ARHGAP30: variants seen among roughly 807,000 people sequenced by gnomAD.
ARHGAP30 encodes rho GTPase-activating protein 30.
ARHGAP30 carries 23 observed loss-of-function variants against 72.0 expected under a neutral mutation model. The observed-to-expected ratio is 0.32, with a 90% CI of 0.23 to 0.45. The LOEUF (loss-of-function observed/expected upper bound fraction) is 0.45. Ranked by LOEUF, ARHGAP30 falls within the 20% of genes least tolerant of loss-of-function variation. ARHGAP30 has a pLI of 1.00. For missense variants in ARHGAP30, 1,319 were observed against 1,383.4 expected (o/e 0.95, Z 0.74); for synonymous variants, 576 against 528.2 (o/e 1.09, Z -1.24).
chr1:161,052,563 A>G lies in ARHGAP30; in HGVS notation c.837-20T>C. ...TTCCTCCTACAAAGAATGGAGGGGCATAATTGGAGGTTGGAACATGAAGGT... is the reference window on the plus strand; with the variant it reads ...TTCCTCCTACAAAGAATGGAGGGGCGTAATTGGAGGTTGGAACATGAAGGT... On this transcript the variant is annotated intron_variant, in intron 7 of 11. Transcript: ENST00000368013. 1.2e-6 allele frequency: 2 copies of G among 1,613,964 alleles called. No individual in the cohort carries two copies. The highest frequency in any genetic ancestry group is 1.6e-4 in the Middle Eastern group (1 of 6,062).
rs371385714 is a variant in ARHGAP30, at chr1:161,069,588, C to T, written c.37G>A (p.Ala13Thr). 5.8e-5 allele frequency: 93 copies of T among 1,611,446 alleles called. No homozygotes were observed. Among genetic ancestry groups the T allele is most frequent in the South Asian group, 1.9e-4 (17 of 91,094 alleles). Residue 13 changes from alanine (A) to threonine (T), a missense_variant, in exon 1 of 12, where the codon GCA becomes ACA. Around this residue, in one of 2 missense-constraint regions of ARHGAP30, gnomAD observed 222 missense variants for 338.2 expected, o/e 0.66. Transcript: ENST00000368013. The surrounding 1 kb of genome is among the most constrained non-coding windows in gnomAD (Gnocchi z 4.9). ...TCGCACCCAAAAACCCGCTCCTTTG[C>T]GCTGCCCTTCTTCTTTCCTTTCTGC... The part of the protein sequence containing the change: ...SRQKGKKKGS[A>T]KERVFGCDLQ...
chr1:161,056,413 G>A lies in ARHGAP30; in HGVS notation c.320C>T (p.Thr107Ile), dbSNP rs749609784. 2 of 1,613,996 alleles carry A rather than the reference G, an allele frequency of 1.2e-6. No individual in the cohort carries two copies. The highest frequency in any genetic ancestry group is 1.7e-6 in the Non-Finnish European group (2 of 1,179,952). ...YFRELPDPLLTYRLYDKFAEA... is the reference protein window; with the variant it reads ...YFRELPDPLLIYRLYDKFAEA... ...AGCAAACTTGTCATAGAGCCGGTAA[G>A]TGAGCAGGGGATCCGGCAGTTCTCT... is the stretch of plus-strand genomic sequence containing the variant. Residue 107 changes from threonine (T) to isoleucine (I), a missense_variant, in exon 3 of 12, where the codon ACT (threonine) becomes ATT (isoleucine). Coordinates refer to ENST00000368013, the MANE Select transcript of ARHGAP30 (RefSeq NM_001025598.2).
In ARHGAP30 at chr1:161,049,179, A is replaced by T. The variant is rs747083587; in HGVS notation, c.1842T>A (p.Asp614Glu). The T allele has an allele frequency of 1.9e-6, 3 of 1,614,182 alleles. No homozygotes were observed. The highest frequency in any genetic ancestry group is 2.5e-6 in the Non-Finnish European group (3 of 1,180,018). The change falls in exon 12 of 12, where the codon GAT (aspartate) becomes GAA (glutamate). Residue 614 changes from aspartate (D) to glutamate (E), a missense_variant. Asp to Glu is a conservative substitution (Grantham distance 45). This residue lies in a region of ARHGAP30 where 1,097 missense variants were observed against 1,045.2 expected (regional missense o/e 1.05). Coordinates refer to ENST00000368013, the MANE Select transcript of ARHGAP30 (RefSeq NM_001025598.2). ...TAGGTCCCAGAAGGGGACTTAGGTC[A>T]TCATAGGCACTCAGGAAAACTTCCT... ...NGEEVFLSAY[D>E]DLSPLLGPKP... is the part of the protein sequence containing the mutation.
chr1:161,048,113 G>T lies in ARHGAP30; in HGVS notation c.2908C>A (p.Arg970=). 2 of 1,614,146 alleles carry T rather than the reference G, an allele frequency of 1.2e-6. No individual in the cohort carries two copies. Among genetic ancestry groups the T allele is most frequent in the Non-Finnish European group, 1.7e-6 (2 of 1,180,024 alleles). The change falls in exon 12 of 12, where the codon CGG becomes AGG. Residue 970 remains arginine (R), a synonymous_variant. Coordinates refer to ENST00000368013, the MANE Select transcript of ARHGAP30 (RefSeq NM_001025598.2). ...CTTTCTCCAGGAGTCCCATCAAGCC[G>T]GCCAGGCCTCGGGCATGGATTTGCA... The part of the protein sequence containing the change: ...APANPCPRPG[R]LDGTPGERAW...
chr1:161,062,102 A>G (rs1652353704), intron 1 of ARHGAP30, among the ~76,000 whole-genome samples: 1 of 151,730 alleles, frequency 6.6e-6, no homozygotes, highest in Non-Finnish European at 1.5e-5. Flanking sequence ...AACAACAACA[A>G]CAAAAAAAAA....
rs918221124 is a variant in ARHGAP30 at position 161,048,079 on chromosome 1, C to T, written c.2942G>A (p.Gly981Glu). 7 of 1,614,068 alleles carry T rather than the reference C, an allele frequency of 4.3e-6. No individual in the cohort carries two copies. The highest frequency in any genetic ancestry group is 1.3e-5 in the African/African-American group (1 of 74,926). ...CCAAGAGGATCGAGAAGCTCGGGAC[C>T]CCCAAGCCCTTTCTCCAGGAGTCCC... The part of the protein sequence containing the change: ...LDGTPGERAW[G>E]SRASRSSWRN... The change falls in exon 12 of 12, where the codon GGG becomes GAG. Residue 981 changes from glycine to glutamate, a missense_variant. Gly to Glu is a moderately conservative substitution (Grantham distance 98). Transcript: ENST00000368013.
rs1437663670 is a variant in ARHGAP30, at chr1:161,052,464, G to A, written c.916C>T (p.Leu306Phe). ...CCCCTGTCCTCAGCCCCCCGTGGAA[G>A]TTTACGCTTAGTCTCATGGCCAGAG... ...GRSGHETKRK[L>F]PRGAEDREDK... The change falls in exon 8 of 12, where the codon CTT becomes TTT. Residue 306 changes from leucine (L) to phenylalanine (F), a missense_variant. Leu to Phe is a conservative substitution (Grantham distance 22). Transcript: ENST00000368013. The A allele has an allele frequency of 1.2e-6, 2 of 1,613,696 alleles. No individual in the cohort carries two copies. Among genetic ancestry groups the A allele is most frequent in the African/African-American group, 2.7e-5 (2 of 74,836 alleles).
intron 1 of ARHGAP30, among the ~76,000 whole-genome samples, chr1:161,060,763 G>A (rs927248158): frequency 2.8e-5 from 4 of 143,654 alleles, no homozygotes; most frequent in Non-Finnish European, 4.5e-5. Context: ...GTGCAGTGGC[G>A]CGATCTTTCC....
At chr1:161,059,544 C>G (rs1652165348) in intron 2 of ARHGAP30, 70 bp downstream of exon 2, 1 of 1,346,222 alleles carries the variant, frequency 7.4e-7, no homozygotes, top group Admixed American at 2.0e-5. Flanking sequence ...CTGTCCTCAG[C>G]AACTCTTACT....
intron 1 of ARHGAP30, among the ~76,000 whole-genome samples, chr1:161,067,960 T>G (rs573595190): frequency 1.1e-3 from 163 of 151,280 alleles, no homozygotes; most frequent in African/African-American, 3.8e-3. Flanking sequence ...TCTGGTCTCC[T>G]GCTCTCGGAT....
rs1192445143 is a variant in ARHGAP30 at position 161,069,625 on chromosome 1, G to C, written c.-1C>G. On this transcript the variant is annotated 5_prime_UTR_variant, in exon 1 of 12. Coordinates refer to ENST00000368013, the MANE Select transcript of ARHGAP30 (RefSeq NM_001025598.2). The surrounding 1 kb of genome is among the most constrained non-coding windows in gnomAD (Gnocchi z 4.9). ...TCTTTCCTTTCTGCCGAGACTTCAT[G>C]GCCAGAGCCCCAGGGCACTGGCCCG... The C allele has an allele frequency of 6.2e-7, 1 of 1,609,082 alleles. No homozygotes were observed. The highest frequency in any genetic ancestry group is 1.1e-5 in the South Asian group (1 of 91,084).
At position 161,048,243 on chromosome 1, in the gene ARHGAP30, G is replaced by T; in HGVS notation, c.2778C>A (p.Ser926=). 6.2e-7 allele frequency: 1 copy of T among 1,614,180 alleles called. No homozygotes were observed. The highest frequency in any genetic ancestry group is 8.5e-7 in the Non-Finnish European group (1 of 1,180,030). Residue 926 remains serine (S), a synonymous_variant, in exon 12 of 12, where the codon TCC becomes TCA. Transcript: ENST00000368013. ...GGACCTGTTGGACCTGAACCAGAGT[G>T]GAAGCTAGACGCATGCCCACGCCAC... ...GLGGVGMRLA[S]TLVQVQQVRS... is the part of the protein sequence containing the mutation.
At chr1:161,061,614 A>C (rs1652317084) in intron 1 of ARHGAP30, among the ~76,000 whole-genome samples, 1 of 152,202 alleles carries the variant, frequency 6.6e-6, no homozygotes, top group Admixed American at 6.5e-5. Flanking sequence ...AGAAGTACTG[A>C]GTGCCCAGCA....
intron 3 of ARHGAP30, among the ~76,000 whole-genome samples, chr1:161,055,880 TAAAAATA>T (rs1557926634): frequency 2.3e-4 from 10 of 43,390 alleles, no homozygotes; most frequent in African/African-American, 5.1e-4. Context: ...TAAAATAAAA[TAAAAATA>T]AATAAAATAA....
At chr1:161,061,594 T>C (rs897098069) in intron 1 of ARHGAP30, among the ~76,000 whole-genome samples, 10 of 151,890 alleles carry the variant, frequency 6.6e-5, no homozygotes, top group African/African-American at 9.7e-5. Context: ...ATAAGAAAAC[T>C]GAGGGTCAAA....
At chr1:161,057,541 G>T (rs554003693) in intron 2 of ARHGAP30, among the ~76,000 whole-genome samples, 1 of 152,266 alleles carries the variant, frequency 6.6e-6, no homozygotes, top group South Asian at 2.1e-4. Flanking sequence ...AGAAGGCTGA[G>T]GTAGGAGGAT....
intron 4 of ARHGAP30, 73 bp from the exon 5 acceptor site, chr1:161,054,546 T>G: frequency 1.3e-6 from 2 of 1,596,460 alleles, no homozygotes; most frequent in Non-Finnish European, 1.7e-6. Context: ...CTGGGAGCAG[T>G]AGGACCCAGT....
rs756054003 is a variant in ARHGAP30 at position 161,048,640 on chromosome 1, A to T, written c.2381T>A (p.Val794Asp). ...EVVQKQEAEG[V>D]REDEDKGQRE... ...CTGTCCTTTGTCCTCATCCTCTCTG[A>T]CTCCCTCAGCCTCTTGTTTCTGTAC... Residue 794 changes from valine (V) to aspartate (D), a missense_variant, in exon 12 of 12, where the codon GTC becomes GAC. Around this residue, in one of 2 missense-constraint regions of ARHGAP30, gnomAD observed 1,097 missense variants for 1,045.2 expected, o/e 1.05. Transcript: ENST00000368013. 1 of 1,611,332 alleles carries T rather than the reference A, an allele frequency of 6.2e-7. No individual in the cohort carries two copies. The highest frequency in any genetic ancestry group is 8.5e-7 in the Non-Finnish European group (1 of 1,179,286).
intron 4 of ARHGAP30, 35 bp from the exon 5 acceptor site, chr1:161,054,508 T>C: frequency 6.2e-7 from 1 of 1,609,520 alleles, no homozygotes; most frequent in Non-Finnish European, 8.5e-7. Flanking sequence ...ACACAGGGAA[T>C]GCCCAGGGCA....
Sources: gnomAD v4.1 joint callset for allele counts (sites outside exome capture counted in the v4.1 genomes callset) on GRCh38, gnomAD v4.1.1 for gene constraint, gnomAD v4.1.1 regional missense constraint, Gnocchi (gnomAD v3.1) non-coding constraint, MANE v1.5 for transcripts, NCBI Gene and HGNC (gene_info 2026-07-23, HGNC 2026-07-21) for gene names.